SLMAP: variants seen among roughly 807,000 people sequenced by gnomAD.
The protein encoded by SLMAP is sarcolemma associated protein.
In SLMAP, 44 loss-of-function variants were observed where a neutral mutation model predicts 128.8. The ratio of observed to expected loss-of-function variants is 0.34; its 90% CI spans 0.27 to 0.44. SLMAP has a LOEUF of 0.44. Among genes scored for constraint, SLMAP ranks in the 20% least tolerant of loss-of-function variants. The pLI is 1.00. For synonymous variants in SLMAP, 327 were observed against 348.8 expected (o/e 0.94, Z 0.70); for missense variants, 787 against 985.3 (o/e 0.80, Z 2.69).
intron 18 of SLMAP, 55 bp downstream of exon 18, chr3:57,908,061 A>C: frequency 6.4e-7 from 1 of 1,562,580 alleles, no homozygotes; most frequent in Non-Finnish European, 8.7e-7. Context: ...GCACAATATA[A>C]TTGGGTGGCC....
chr3:57,787,770 C>G (rs1025613155), intron 2 of SLMAP, among the ~76,000 whole-genome samples: 2 of 152,236 alleles, frequency 1.3e-5, no homozygotes, highest in Non-Finnish European at 2.9e-5. Context: ...AGCCACCATG[C>G]CCGGCTAGGC....
At chr3:57,836,495 C>A (rs557658966) in intron 3 of SLMAP, among the ~76,000 whole-genome samples, 1 of 152,190 alleles carries the variant, frequency 6.6e-6, no homozygotes, top group Non-Finnish European at 1.5e-5. Flanking sequence ...CCAAAACAAT[C>A]TGTTTTTTAA....
intron 6 of SLMAP, among the ~76,000 whole-genome samples, chr3:57,856,433 T>G (rs976529919): frequency 6.6e-6 from 1 of 152,200 alleles, no homozygotes; most frequent in Admixed American, 6.5e-5. Context: ...TTTTTTAAAC[T>G]TGCTTTTACT....
At chr3:57,881,538 A>G (rs1176670929) in intron 14 of SLMAP, among the ~76,000 whole-genome samples, 2 of 151,716 alleles carry the variant, frequency 1.3e-5, no homozygotes, top group Non-Finnish European at 2.9e-5. Flanking sequence ...GCTCACTGCA[A>G]CCTCCACCTC....
At chr3:57,782,514 C>A (rs945628898) in intron 2 of SLMAP, among the ~76,000 whole-genome samples, 2 of 152,172 alleles carry the variant, frequency 1.3e-5, no homozygotes, top group African/African-American at 4.8e-5. Context: ...ACTCTGTCAC[C>A]TAGGCTGGAG....
chr3:57,813,485 C>A (rs2091362260), intron 2 of SLMAP, among the ~76,000 whole-genome samples: 1 of 152,152 alleles, frequency 6.6e-6, no homozygotes, highest in East Asian at 1.9e-4. Flanking sequence ...AGTGAGCCTT[C>A]TGTATCCATG....
chr3:57,896,142 C>T, intron 15 of SLMAP: 1 of 681,370 alleles, frequency 1.5e-6, no homozygotes, highest in Non-Finnish European at 1.8e-6. Context: ...AGAGCCTTCT[C>T]CTTTAATCAT....
intron 24 of SLMAP, 50 bp from the exon 25 acceptor site, chr3:57,927,246 G>T: frequency 8.0e-7 from 1 of 1,256,068 alleles, no homozygotes; most frequent in South Asian, 1.3e-5. Context: ...TAATAGGTAT[G>T]AAAAGAGAGG....
chr3:57,853,969 A>T (rs1187478092), intron 6 of SLMAP, among the ~76,000 whole-genome samples: 14 of 85,950 alleles, frequency 1.6e-4, no homozygotes, highest in African/African-American at 6.9e-4. Context: ...ATATATATAT[A>T]TATATATATA....
intron 2 of SLMAP, among the ~76,000 whole-genome samples, chr3:57,830,658 T>C (rs116496171): frequency 0.018 from 2,779 of 152,256 alleles, 74 homozygotes; most frequent in African/African-American, 0.063. Context: ...AGAAGCAAAT[T>C]TGGACAACCA....
intron 19 of SLMAP, 79 bp downstream of exon 19, chr3:57,909,229 G>T: frequency 9.7e-7 from 1 of 1,029,030 alleles, no homozygotes. Flanking sequence ...GAGGCCAGGC[G>T]CAGTGGCTCA....
intron 10 of SLMAP, among the ~76,000 whole-genome samples, chr3:57,864,107 G>A (rs1426421208): frequency 1.3e-5 from 2 of 152,076 alleles, no homozygotes; most frequent in Non-Finnish European, 2.9e-5. Flanking sequence ...CATCTTTACT[G>A]GTTTAGAAAT....
chr3:57,874,824 A>T (rs1374660002), intron 14 of SLMAP, among the ~76,000 whole-genome samples: 1 of 150,578 alleles, frequency 6.6e-6, no homozygotes, highest in Non-Finnish European at 1.5e-5. Context: ...GTGCCATTGC[A>T]CTCCAGTCTG....
intron 14 of SLMAP, among the ~76,000 whole-genome samples, chr3:57,878,303 C>T (rs2153629845): frequency 6.6e-6 from 1 of 152,312 alleles, no homozygotes; most frequent in East Asian, 1.9e-4. Flanking sequence ...CACAGAGCCT[C>T]TCCTATGAGG....
At chr3:57,771,774 T>C (rs1185469875) in intron 2 of SLMAP, among the ~76,000 whole-genome samples, 1 of 152,198 alleles carries the variant, frequency 6.6e-6, no homozygotes, top group African/African-American at 2.4e-5. Context: ...CTAAGTAAAT[T>C]CTTTTTTGAA....
Position 57,922,328 on chromosome 3 carries a change from T to C in SLMAP, c.2311-561T>C, listed in dbSNP as rs1224519188. On this transcript the variant is annotated intron_variant, in intron 22 of 24. Transcript: ENST00000671191. ...CTTGGTGGAAAAGTGATCCTTTATA[T>C]TAAAAACAGATGACAAAATGGTGAT... Among the ~76,000 whole-genome samples the C allele has an allele frequency of 3.3e-5, 5 of 152,238 alleles. No individual in the cohort carries two copies. The South Asian group carries it at 6.2e-4, about 19-fold the overall frequency.
chr3:57,890,176 A>G (rs1560433449), intron 15 of SLMAP, 76 bp downstream of exon 15: 1 of 1,446,876 alleles, frequency 6.9e-7, no homozygotes, highest in East Asian at 2.3e-5. Context: ...TCAAGGTTAT[A>G]GTATTTTAAC....
At chr3:57,853,955 T>TATATATA (rs1553880925) in intron 6 of SLMAP, among the ~76,000 whole-genome samples, 3 of 31,940 alleles carry the variant, frequency 9.4e-5, no homozygotes, top group African/African-American at 2.8e-4. Context: ...AAAAAAAAAA[T>TATATATA]TATATATATA....
At chr3:57,857,581 A>G (rs930548196) in intron 6 of SLMAP, 152 bp from the exon 7 acceptor site, 21 of 602,002 alleles carry the variant, frequency 3.5e-5, no homozygotes, top group African/African-American at 3.3e-4. Context: ...GGACTGCTGT[A>G]TGTTTTACAA....
Sources: allele counts gnomAD v4.1 joint callset (sites outside exome capture counted in the v4.1 genomes callset), GRCh38; gene constraint gnomAD v4.1.1; transcripts MANE v1.5; gene names NCBI Gene and HGNC (gene_info 2026-07-23, HGNC 2026-07-21).